The following MEI1 variants were observed in gnomAD, a reference collection of about 807,000 sequenced individuals.
The protein encoded by MEI1 is meiosis inhibitor protein 1.
Under a neutral mutation model 146.2 loss-of-function variants are expected in MEI1, and 103 were observed. The observed-to-expected ratio is 0.70, with a 90% confidence interval of 0.60 to 0.83. The LOEUF (loss-of-function observed/expected upper bound fraction) is 0.83, where lower values mean the gene tolerates loss of function less well. MEI1 is among the 40% of genes least tolerant of loss of function. The pLI is 0.00. For synonymous variants in MEI1, 652 were observed against 628.2 expected (o/e 1.04, Z -0.57); for missense variants, 1,529 against 1,533.0 (o/e 1.00, Z 0.04).
In MEI1 at chr22:41,719,844, G is replaced by A. The variant is rs1159012696; in HGVS notation, c.733+1570G>A. Among the ~76,000 whole-genome samples, 3 of 152,314 alleles carry A rather than the reference G, an allele frequency of 2.0e-5. No homozygotes were observed. In the East Asian group the frequency reaches 5.8e-4, roughly 29 times the overall value. The stretch of plus-strand genomic sequence containing the variant: ...ATTTTGGGCAGAACAGATGGGCACT[G>A]TAATTGGTGCCTGGTTGAGGGCCTG... On this transcript the variant is annotated intron_variant, in intron 6 of 30. Transcript: ENST00000401548.
rs1256823355 is a variant in MEI1 at position 41,699,840 on chromosome 22, C to T, written c.174+128C>T. 1.8e-5 allele frequency: 22 copies of T among 1,193,442 alleles called. 1 individual carries two copies. In the South Asian group the frequency reaches 3.1e-4, roughly 17 times the overall value. 73.9% of individuals were successfully genotyped at this position (1,193,442 alleles called of 1,614,324 possible). On this transcript the variant is annotated intron_variant, in intron 1 of 30. Coordinates refer to ENST00000401548, the MANE Select transcript of MEI1 (RefSeq NM_152513.4). The stretch of plus-strand genomic sequence containing the variant: ...ACCGGGCCCCCGCGCTGTGTTCACT[C>T]TCCTCCCTGTCAGCCCGTCCCGGAC...
At chr22:41,727,249 T>C (rs1295057894) in intron 7 of MEI1, among the ~76,000 whole-genome samples, 1 of 152,186 alleles carries the variant, frequency 6.6e-6, no homozygotes, top group Non-Finnish European at 1.5e-5. Context: ...AAACCAGGTA[T>C]GCCCTCCATT....
chr22:41,796,351 GTT>G (rs34348723), intron 30 of MEI1, among the ~76,000 whole-genome samples: 47,057 of 139,990 alleles, frequency 0.34, 7,853 homozygotes, highest in Non-Finnish European at 0.36. Flanking sequence ...CCACGCCCAG[GTT>G]TTTTTTTTTT....
At chr22:41,780,576 CTTTTCTTTT>C (rs1266598095) in intron 22 of MEI1, among the ~76,000 whole-genome samples, 1 of 121,538 alleles carries the variant, frequency 8.2e-6, no homozygotes, top group African/African-American at 2.9e-5. Flanking sequence ...GAATTTTTTT[CTTTTCTTTT>C]TTTTTTTTTT....
chr22:41,781,584 G>A (rs1431835746), intron 23 of MEI1, 101 bp from the exon 24 acceptor site: 4 of 1,270,388 alleles, frequency 3.1e-6, no homozygotes, highest in East Asian at 5.1e-5. Flanking sequence ...ATGATCCTCT[G>A]TTTGTTTGTG....
intron 26 of MEI1, among the ~76,000 whole-genome samples, chr22:41,792,847 C>T (rs1004015453): frequency 6.6e-6 from 1 of 151,314 alleles, no homozygotes; most frequent in African/African-American, 2.4e-5. Context: ...TTGCATTTCC[C>T]TAATGACTAA....
At chr22:41,722,676 T>A (rs942245397) in intron 6 of MEI1, among the ~76,000 whole-genome samples, 2 of 152,092 alleles carry the variant, frequency 1.3e-5, no homozygotes, top group African/African-American at 4.8e-5. Flanking sequence ...TTGGCTCACA[T>A]CCAACTTCTC....
At chr22:41,738,891 T>C (rs2899346) in intron 11 of MEI1, among the ~76,000 whole-genome samples, 126,481 of 151,744 alleles carry the variant, frequency 0.83, 53,668 homozygotes, top group African/African-American at 0.95. Context: ...CACTTGAGCC[T>C]GGGAGTTTGA....
chr22:41,711,863 T>A (rs1046486373), intron 3 of MEI1, among the ~76,000 whole-genome samples: 4 of 151,906 alleles, frequency 2.6e-5, no homozygotes, highest in African/African-American at 9.7e-5. Flanking sequence ...TCTTTTTTTT[T>A]AGTATATATA....
At chr22:41,783,132 T>C (rs758621203) in intron 24 of MEI1, among the ~76,000 whole-genome samples, 6 of 152,138 alleles carry the variant, frequency 3.9e-5, no homozygotes, top group Non-Finnish European at 8.8e-5. Flanking sequence ...CAGTCAGCTA[T>C]GCTCCTTCAC....
intron 20 of MEI1, among the ~76,000 whole-genome samples, 189 bp downstream of exon 20, chr22:41,771,150 C>T (rs117885614): frequency 6.6e-6 from 1 of 152,192 alleles, no homozygotes; most frequent in African/African-American, 2.4e-5. Flanking sequence ...TAAATCCATA[C>T]TCTTTCCTAA....
chr22:41,754,216 G>A (rs1350325237), intron 17 of MEI1, among the ~76,000 whole-genome samples, 170 bp downstream of exon 17: 1 of 152,112 alleles, frequency 6.6e-6, no homozygotes, highest in African/African-American at 2.4e-5. Context: ...GGGATATGAA[G>A]TAATAGAACT....
intron 15 of MEI1, among the ~76,000 whole-genome samples, chr22:41,751,775 A>AAG (rs1569249622): frequency 6.8e-6 from 1 of 147,428 alleles, no homozygotes; most frequent in Non-Finnish European, 1.5e-5. Context: ...TCCATCTTAA[A>AAG]AAAAAAAAAA....
rs919475933 is a variant in MEI1, at chr22:41,795,587, C to T, written c.3666+45C>T. The T allele has an allele frequency of 2.5e-6, 4 of 1,611,616 alleles. No individual in the cohort carries two copies. In the Admixed American group the frequency reaches 6.7e-5, roughly 27 times the overall value. On this transcript the variant is annotated intron_variant, in intron 29 of 30. Transcript: ENST00000401548. This position sits in a 1 kb window ranked among gnomAD's most constrained non-coding sequence, Gnocchi z 4.2. ...CATGCAGCCACTGTAAAGCTAGACC[C>T]TCAACACCATCTTCTCTTGGAGGGT...
intron 11 of MEI1, among the ~76,000 whole-genome samples, chr22:41,735,238 T>TG (rs1284788631): frequency 1.3e-5 from 2 of 148,418 alleles, no homozygotes; most frequent in Non-Finnish European, 3.0e-5. Context: ...TTTTTTTTTT[T>TG]TTTTTTTTTT....
At chr22:41,720,563 T>C (rs1057025825) in intron 6 of MEI1, among the ~76,000 whole-genome samples, 1 of 150,830 alleles carries the variant, frequency 6.6e-6, no homozygotes, top group Non-Finnish European at 1.5e-5. Flanking sequence ...ACCGAGTAGC[T>C]GGGACCACAG....
chr22:41,716,178 C>T, intron 5 of MEI1, 32 bp downstream of exon 5: 2 of 1,446,422 alleles, frequency 1.4e-6, no homozygotes, highest in Non-Finnish European at 1.9e-6. Context: ...CTGCCACTAC[C>T]CTTTTACCTG....
At chr22:41,785,973 C>T (rs1162398252) in intron 26 of MEI1, among the ~76,000 whole-genome samples, 24 of 138,796 alleles carry the variant, frequency 1.7e-4, no homozygotes, top group Non-Finnish European at 7.7e-5. Flanking sequence ...TGCAGTGGCG[C>T]GATCTCGGCT....
Position 41,771,061 on chromosome 22 carries a change from C to T in MEI1, c.2544+100C>T, listed in dbSNP as rs919408630. ...CAGGAGGCACCCACATCTGCTTCAG[C>T]CCACCTCCAGACTTATCACTGTCTG... On this transcript the variant is annotated intron_variant, in intron 20 of 30. Transcript: ENST00000401548. 9 of 1,315,678 alleles carry T rather than the reference C, an allele frequency of 6.8e-6. No homozygotes were observed. The Admixed American group carries it at 1.6e-4, about 24-fold the overall frequency. The allele number at this position is 1,315,678 out of a possible 1,614,324, so 81.5% of individuals were successfully genotyped here. A position where few individuals can be genotyped will look rare whatever the true frequency, so the allele number is the denominator to read the frequency against.
Sources: allele counts gnomAD v4.1 joint callset (sites outside exome capture counted in the v4.1 genomes callset), GRCh38; gene constraint gnomAD v4.1.1; non-coding constraint Gnocchi (gnomAD v3.1); transcripts MANE v1.5; gene names NCBI Gene and HGNC (gene_info 2026-07-23, HGNC 2026-07-21).